The following BTRC variants were observed in gnomAD, a reference collection of about 807,000 sequenced individuals.
BTRC encodes the protein beta-transducin repeat containing E3 ubiquitin protein ligase, also known as F-box/WD repeat-containing protein 1A.
In BTRC, 42 loss-of-function variants were observed where a neutral mutation model predicts 85.5. That is an observed-to-expected ratio of 0.49 (90% CI 0.38 to 0.64). BTRC has a LOEUF of 0.64. BTRC is among the 30% of genes least tolerant of loss of function. BTRC has a pLI of 0.00. For missense variants in BTRC, 594 were observed against 743.5 expected (o/e 0.80, Z 2.34); for synonymous variants, 255 against 263.3 (o/e 0.97, Z 0.30).
At chr10:101,516,519 G>A (rs1046062313) in intron 4 of BTRC, among the ~76,000 whole-genome samples, 3 of 152,144 alleles carry the variant, frequency 2.0e-5, no homozygotes, top group African/African-American at 4.8e-5. Context: ...AAAAATACTC[G>A]TTTTGAGGGG....
chr10:101,422,139 C>A, intron 1 of BTRC, among the ~76,000 whole-genome samples: 1 of 152,186 alleles, frequency 6.6e-6, no homozygotes, highest in Non-Finnish European at 1.5e-5. Context: ...CCTGTTGTTT[C>A]CTGACTTTTT....
chr10:101,494,475 A>G (rs1311861574), intron 4 of BTRC, among the ~76,000 whole-genome samples: 1 of 152,260 alleles, frequency 6.6e-6, no homozygotes, highest in Non-Finnish European at 1.5e-5. Flanking sequence ...TGTTTGCTAT[A>G]TCATAACTCA....
intron 2 of BTRC, among the ~76,000 whole-genome samples, chr10:101,436,181 T>C (rs1290531561): frequency 6.6e-6 from 1 of 152,210 alleles, no homozygotes; most frequent in African/African-American, 2.4e-5. Flanking sequence ...CCAGTAGATA[T>C]ATTTGATGGA....
At chr10:101,528,447 C>T (rs1224006094) in intron 6 of BTRC, among the ~76,000 whole-genome samples, 2 of 152,192 alleles carry the variant, frequency 1.3e-5, no homozygotes, top group Non-Finnish European at 2.9e-5. Context: ...CAGGATCCAG[C>T]ACTAATTACC....
At chr10:101,374,520 A>G (rs1048307482) in intron 1 of BTRC, among the ~76,000 whole-genome samples, 2 of 148,392 alleles carry the variant, frequency 1.3e-5, no homozygotes, top group Admixed American at 1.4e-4. Flanking sequence ...TTCTCAGTAA[A>G]CTATCGCAAG....
chr10:101,404,002 G>GTATATATA (rs753639521), intron 1 of BTRC, among the ~76,000 whole-genome samples: 28 of 61,756 alleles, frequency 4.5e-4, no homozygotes, highest in African/African-American at 1.9e-3. Context: ...GTGTGTGTGT[G>GTATATATA]TATATATATA....
intron 4 of BTRC, among the ~76,000 whole-genome samples, chr10:101,500,740 A>T (rs1946380255): frequency 6.6e-6 from 1 of 152,326 alleles, no homozygotes; most frequent in African/African-American, 2.4e-5. Flanking sequence ...TAAAGTCAGC[A>T]TGTAGAAAAG....
At chr10:101,486,249 G>A (rs1945982771) in intron 4 of BTRC, among the ~76,000 whole-genome samples, 1 of 152,140 alleles carries the variant, frequency 6.6e-6, no homozygotes, top group Non-Finnish European at 1.5e-5. Flanking sequence ...TCCGCATAAT[G>A]TAACAATTTC....
chr10:101,416,529 T>A (rs910182557), intron 1 of BTRC, among the ~76,000 whole-genome samples: 10 of 152,188 alleles, frequency 6.6e-5, no homozygotes, highest in Non-Finnish European at 5.9e-5. Context: ...TCTTCCATGG[T>A]GTCAATTGAA....
chr10:101,419,910 G>C (rs1015337544), intron 1 of BTRC, among the ~76,000 whole-genome samples: 5 of 152,008 alleles, frequency 3.3e-5, no homozygotes, highest in African/African-American at 1.2e-4. Context: ...AAACTTTCCT[G>C]TCCAAGCCCT....
intron 4 of BTRC, among the ~76,000 whole-genome samples, chr10:101,517,293 T>G (rs1217948635): frequency 6.6e-6 from 1 of 152,190 alleles, no homozygotes; most frequent in African/African-American, 2.4e-5. Context: ...CTGTGTATCT[T>G]TACTTTGTAA....
chr10:101,361,042 G>T (rs1322968305), intron 1 of BTRC, among the ~76,000 whole-genome samples: 1 of 152,138 alleles, frequency 6.6e-6, no homozygotes, highest in Non-Finnish European at 1.5e-5. Flanking sequence ...CTGGCCTCAA[G>T]TTATTCTCCT....
At chr10:101,422,535 T>C (rs1944130987) in intron 1 of BTRC, among the ~76,000 whole-genome samples, 1 of 152,260 alleles carries the variant, frequency 6.6e-6, no homozygotes, top group Admixed American at 6.5e-5. Flanking sequence ...AGACATGAAG[T>C]CCTTGCCCAT....
intron 3 of BTRC, among the ~76,000 whole-genome samples, chr10:101,468,827 A>G (rs1472623828): frequency 2.6e-5 from 4 of 152,208 alleles, no homozygotes; most frequent in East Asian, 1.9e-4. Context: ...AAGTCTGGCA[A>G]TCAATCCCTT....
At chr10:101,535,204 A>G (rs184063597) in intron 10 of BTRC, 150 bp from the exon 11 acceptor site, 148 of 747,694 alleles carry the variant, frequency 2.0e-4, no homozygotes, top group Admixed American at 1.0e-3. Context: ...CTCTGTTACC[A>G]TGAATTTAAA....
chr10:101,542,861 T>G (rs559990932), intron 13 of BTRC, among the ~76,000 whole-genome samples: 1 of 152,152 alleles, frequency 6.6e-6, no homozygotes, highest in East Asian at 1.9e-4. Flanking sequence ...CCTGGCCTGC[T>G]TCATGGTTTT....
intron 8 of BTRC, among the ~76,000 whole-genome samples, 153 bp from the exon 9 acceptor site, chr10:101,532,795 TGTGC>T (rs1554895728): frequency 1.6e-5 from 1 of 60,798 alleles, no homozygotes. Flanking sequence ...TGTGTGCGCG[TGTGC>T]GCGCGCGCGC....
chr10:101,369,257 G>T lies in BTRC; in HGVS notation c.48+15029G>T, dbSNP rs1331415384. On this transcript the variant is annotated intron_variant, in intron 1 of 14. Coordinates refer to ENST00000370187, the MANE Select transcript of BTRC (RefSeq NM_033637.4). Reference sequence around the variant, plus strand: ...TAAAGAGATGGGTTCTTGCCCTCTTGTCCAGGCTCTCGAGTACACTGGTGT... The same window carrying T: ...TAAAGAGATGGGTTCTTGCCCTCTTTTCCAGGCTCTCGAGTACACTGGTGT... 2.0e-5 allele frequency among the ~76,000 whole-genome samples: 3 copies of T among 148,544 alleles called. No individual in the cohort carries two copies. The East Asian group carries it at 5.9e-4, about 29-fold the overall frequency.
intron 4 of BTRC, among the ~76,000 whole-genome samples, chr10:101,512,702 G>C (rs1051368170): frequency 5.9e-5 from 9 of 152,192 alleles, no homozygotes; most frequent in African/African-American, 2.2e-4. Context: ...TTTGAAAGTG[G>C]TACGTGAAAT....
Sources: gnomAD v4.1 joint callset for allele counts (sites outside exome capture counted in the v4.1 genomes callset) on GRCh38, gnomAD v4.1.1 for gene constraint, MANE v1.5 for transcripts, NCBI Gene and HGNC (gene_info 2026-07-23, HGNC 2026-07-21) for gene names.